GALNT18: variants seen among roughly 807,000 people sequenced by gnomAD.
GALNT18 encodes GalNAc-transferase 18.
In GALNT18, 44 loss-of-function variants were observed where a neutral mutation model predicts 69.5. The ratio of observed to expected loss-of-function variants is 0.63; its 90% CI spans 0.50 to 0.81. The LOEUF is 0.81. GALNT18 is among the 40% of genes least tolerant of loss of function. GALNT18 has a pLI of 0.00. For missense variants in GALNT18, 715 were observed against 810.0 expected (o/e 0.88, Z 1.42); for synonymous variants, 364 against 318.2 (o/e 1.14, Z -1.53).
intron 1 of GALNT18, among the ~76,000 whole-genome samples, chr11:11,471,930 G>A (rs567769781): frequency 2.8e-4 from 42 of 152,336 alleles, no homozygotes; most frequent in African/African-American, 9.9e-4. Context: ...GGGCCATGAA[G>A]GGCCTGGCGA....
In GALNT18 at chr11:11,327,126, T is replaced by C. The variant is rs1438272226; in HGVS notation, c.1472A>G (p.Asn491Ser). The C allele has an allele frequency of 6.2e-7, 1 of 1,613,954 alleles. No homozygotes were observed. The highest frequency in any genetic ancestry group is 2.2e-5 in the East Asian group (1 of 44,890). ...ATGGCAGATGTACATGATGGGGACA[T>C]TCTCTGTATCTGGCCCCTGGTCAAG... ...LCLDQGPDTENVPIMYICHGM... is the reference protein window; with the variant it reads ...LCLDQGPDTESVPIMYICHGM... Residue 491 changes from asparagine (N) to serine (S), a missense_variant, in exon 9 of 11, where the codon AAT (asparagine) becomes AGT (serine). Physicochemically the swap from Asn to Ser is conservative, Grantham distance 46. Transcript: ENST00000227756.
rs144026863 is a variant in GALNT18 at position 11,613,971 on chromosome 11, C to G, written c.235+7388G>C. ...CCTCCAGGAACTTTCTGTGTAACAT[C>G]ACCTCCAGCTGTACTGCTTGGCAAT... On this transcript the variant is annotated intron_variant, in intron 1 of 10. Coordinates refer to ENST00000227756, the MANE Select transcript of GALNT18 (RefSeq NM_198516.3). The surrounding 1 kb of genome is among the most constrained non-coding windows in gnomAD (Gnocchi z 4.2). Among the ~76,000 whole-genome samples, 37 of 152,282 alleles carry G rather than the reference C, an allele frequency of 2.4e-4. No individual in the cohort carries two copies. The highest frequency in any genetic ancestry group is 8.9e-4 in the African/African-American group (37 of 41,560).
In GALNT18 at chr11:11,465,454, C is replaced by T. The variant is rs1191559332; in HGVS notation, c.236-16518G>A. On this transcript the variant is annotated intron_variant, in intron 1 of 10. Transcript: ENST00000227756. The surrounding 1 kb of genome is among the most constrained non-coding windows in gnomAD (Gnocchi z 5.7). ...CCTCCAGGCTGCACGGACGGTGTCA[C>T]GCTGCCCTCTGATCCTGGGGCTCGT... Among the ~76,000 whole-genome samples, 9 of 152,148 alleles carry T rather than the reference C, an allele frequency of 5.9e-5. No individual in the cohort carries two copies. Among genetic ancestry groups the T allele is most frequent in the Non-Finnish European group, 1.0e-4 (7 of 68,028 alleles).
intron 1 of GALNT18, among the ~76,000 whole-genome samples, chr11:11,597,090 T>A (rs749457105): frequency 5.3e-5 from 8 of 152,222 alleles, no homozygotes; most frequent in Non-Finnish European, 1.2e-4. Flanking sequence ...ATATTTTATG[T>A]GTAACACTAA....
chr11:11,609,594 G>A (rs1336274806), intron 1 of GALNT18, among the ~76,000 whole-genome samples: 1 of 152,200 alleles, frequency 6.6e-6, no homozygotes, highest in Non-Finnish European at 1.5e-5. Flanking sequence ...ACCAAAAGAA[G>A]GCAGCGGTAC....
rs1856134302 is a variant in GALNT18, at chr11:11,465,380, G to A, written c.236-16444C>T. 1.3e-5 allele frequency among the ~76,000 whole-genome samples: 2 copies of A among 152,180 alleles called. No homozygotes were observed. Reference sequence around the variant, plus strand: ...GCAGAGATTCCCACCTTATGGAGCTGTCACTGTGCAGGAAAACACCAAGGA... The same window carrying A: ...GCAGAGATTCCCACCTTATGGAGCTATCACTGTGCAGGAAAACACCAAGGA... On this transcript the variant is annotated intron_variant, in intron 1 of 10. Transcript: ENST00000227756. This position sits in a 1 kb window ranked among gnomAD's most constrained non-coding sequence, Gnocchi z 5.7.
chr11:11,281,830 G>A (rs1416582325), intron 10 of GALNT18, among the ~76,000 whole-genome samples: 2 of 152,038 alleles, frequency 1.3e-5, no homozygotes, highest in African/African-American at 4.8e-5. Context: ...GGAGGCGGGT[G>A]GATGGGACAC....
chr11:11,566,281 A>T (rs148017463), intron 1 of GALNT18, among the ~76,000 whole-genome samples: 3,466 of 152,328 alleles, frequency 0.023, 48 homozygotes, highest in Middle Eastern at 0.051. Flanking sequence ...TGCAGAAGCA[A>T]CCAGAGACAA....
Position 11,505,578 on chromosome 11 carries a change from C to T in GALNT18, c.236-56642G>A, listed in dbSNP as rs1857053187. The stretch of plus-strand genomic sequence containing the variant: ...AGCTTCCATTGCCTTACCACCTCCT[C>T]CCCCATCAATGCCACATCATCTGGA... On this transcript the variant is annotated intron_variant, in intron 1 of 10. Transcript: ENST00000227756. The surrounding 1 kb of genome is among the most constrained non-coding windows in gnomAD (Gnocchi z 4.6). Among the ~76,000 whole-genome samples the T allele has an allele frequency of 6.6e-6, 1 of 152,152 alleles. No individual in the cohort carries two copies. The highest frequency in any genetic ancestry group is 1.5e-5 in the Non-Finnish European group (1 of 68,028).
rs1859597122 is a variant in GALNT18 at position 11,600,041 on chromosome 11, A to C, written c.235+21318T>G. On this transcript the variant is annotated intron_variant, in intron 1 of 10. Transcript: ENST00000227756. This position sits in a 1 kb window ranked among gnomAD's most constrained non-coding sequence, Gnocchi z 4.8. ...AAATATAGAAAATTTAGTCCTATAT[A>C]ATTCTATTCCCTCCTCCATATTTTT... 6.6e-6 allele frequency among the ~76,000 whole-genome samples: 1 copy of C among 152,014 alleles called. No individual in the cohort carries two copies. The highest frequency in any genetic ancestry group is 1.5e-5 in the Non-Finnish European group (1 of 67,924).
Position 11,435,022 on chromosome 11 carries a change from CCAAA to C in GALNT18, c.429-2239_429-2236del, listed in dbSNP as rs1490960099. Among the ~76,000 whole-genome samples, 2 of 152,066 alleles carry C rather than the reference CCAAA, an allele frequency of 1.3e-5. No individual in the cohort carries two copies. The highest frequency in any genetic ancestry group is 2.9e-5 in the Non-Finnish European group (2 of 68,008). ...ATTTAAAAAGTAATACCATCTGTGG[CCAAA>C]CAAATAGTACATGAATTCTTCTTTT... is the stretch of plus-strand genomic sequence containing the variant. On this transcript the variant is annotated intron_variant, in intron 2 of 10. Transcript: ENST00000227756. The surrounding 1 kb of genome is among the most constrained non-coding windows in gnomAD (Gnocchi z 4.4).
intron 1 of GALNT18, among the ~76,000 whole-genome samples, chr11:11,471,901 C>T (rs527872755): frequency 6.6e-6 from 1 of 152,364 alleles, no homozygotes; most frequent in South Asian, 2.1e-4. Flanking sequence ...CCCTCCCCAT[C>T]AGCAGCACAG....
At chr11:11,487,420 TGTAAAAAATAAA>T (rs1431100538) in intron 1 of GALNT18, among the ~76,000 whole-genome samples, 1 of 152,078 alleles carries the variant, frequency 6.6e-6, no homozygotes, top group Non-Finnish European at 1.5e-5. Flanking sequence ...AAATAAAAAA[TGTAAAAAATAAA>T]ATAAAAAATA....
intron 8 of GALNT18, among the ~76,000 whole-genome samples, chr11:11,328,434 A>G (rs758524019): frequency 6.6e-6 from 1 of 152,188 alleles, no homozygotes; most frequent in Non-Finnish European, 1.5e-5. Flanking sequence ...AGACAGCAGC[A>G]GGGCCTTTGT....
intron 2 of GALNT18, among the ~76,000 whole-genome samples, chr11:11,441,951 G>A (rs1222628930): frequency 1.3e-5 from 2 of 152,208 alleles, no homozygotes; most frequent in African/African-American, 4.8e-5. Flanking sequence ...GCTGTACACT[G>A]TCTTGTTTTC....
chr11:11,388,593 C>T (rs149613265), intron 3 of GALNT18, among the ~76,000 whole-genome samples: 36 of 152,186 alleles, frequency 2.4e-4, no homozygotes, highest in Non-Finnish European at 3.7e-4. Flanking sequence ...ACCAGCCTGA[C>T]GCCACTGAGT....
intron 2 of GALNT18, among the ~76,000 whole-genome samples, chr11:11,440,557 C>T (rs888514503): frequency 6.6e-6 from 1 of 152,168 alleles, no homozygotes; most frequent in Admixed American, 6.5e-5. Context: ...GCTCAGGGCT[C>T]GGCCTCTGAC....
chr11:11,506,497 G>A (rs1414132190), intron 1 of GALNT18, among the ~76,000 whole-genome samples: 2 of 152,198 alleles, frequency 1.3e-5, no homozygotes, highest in South Asian at 2.1e-4. Flanking sequence ...CGTTTCGTGT[G>A]CAGGGCGACT....
In GALNT18 at chr11:11,339,857, C is replaced by T. The variant is rs1850173248; in HGVS notation, c.1278+962G>A. ...TTCCTCAATCATTTAACCAGAGCAA[C>T]ATTAGCTTGGTGTAGAGTTTAGGTA... On this transcript the variant is annotated intron_variant, in intron 7 of 10. Coordinates refer to ENST00000227756, the MANE Select transcript of GALNT18 (RefSeq NM_198516.3). The surrounding 1 kb of genome is among the most constrained non-coding windows in gnomAD (Gnocchi z 5.2). Among the ~76,000 whole-genome samples the T allele has an allele frequency of 1.3e-5, 2 of 152,176 alleles. No individual in the cohort carries two copies. The highest frequency in any genetic ancestry group is 2.4e-5 in the African/African-American group (1 of 41,440).
Sources: allele counts gnomAD v4.1 joint callset (sites outside exome capture counted in the v4.1 genomes callset), GRCh38; gene constraint gnomAD v4.1.1; non-coding constraint Gnocchi (gnomAD v3.1); transcripts MANE v1.5; gene names NCBI Gene and HGNC (gene_info 2026-07-23, HGNC 2026-07-21).